Variants in IGF1R observed in about 807,000 individuals in gnomAD.
IGF1R encodes the protein insulin like growth factor 1 receptor, also known as insulin-like growth factor 1 receptor.
A neutral mutation model predicts 144.6 loss-of-function variants in IGF1R; 44 were observed. The ratio of observed to expected loss-of-function variants is 0.30; its 90% CI spans 0.24 to 0.39. The LOEUF is 0.39. Among genes scored for constraint, IGF1R ranks in the 10% least tolerant of loss-of-function variants. The pLI, the probability that IGF1R is intolerant of heterozygous loss-of-function variation, is 1.00. For missense variants in IGF1R, 1,355 were observed against 1,833.7 expected (o/e 0.74, Z 4.77); for synonymous variants, 795 against 722.8 (o/e 1.10, Z -1.60).
At chr15:98,698,814 A>G (rs2053658104) in intron 1 of IGF1R, among the ~76,000 whole-genome samples, 2 of 152,254 alleles carry the variant, frequency 1.3e-5, no homozygotes, top group Non-Finnish European at 1.5e-5. Context: ...CACATCCATG[A>G]AGAATCACAC....
chr15:98,941,619 T>C (rs1043192960), intron 18 of IGF1R, among the ~76,000 whole-genome samples: 2 of 152,216 alleles, frequency 1.3e-5, no homozygotes, highest in Non-Finnish European at 2.9e-5. Flanking sequence ...CACACTTCAT[T>C]TTTATTCTTC....
intron 5 of IGF1R, among the ~76,000 whole-genome samples, chr15:98,908,151 A>C (rs79136348): frequency 0.034 from 5,233 of 152,298 alleles, 283 homozygotes; most frequent in African/African-American, 0.12. Flanking sequence ...TCAGAATGAA[A>C]GATGAATGGG....
chr15:98,673,656 CT>C (rs1170551385), intron 1 of IGF1R, among the ~76,000 whole-genome samples: 28 of 152,348 alleles, frequency 1.8e-4, no homozygotes, highest in African/African-American at 6.7e-4. Context: ...ACAGACACTG[CT>C]GGCCTCACCT....
intron 10 of IGF1R, among the ~76,000 whole-genome samples, chr15:98,917,701 A>C (rs767819021): frequency 2.6e-5 from 4 of 152,256 alleles, no homozygotes; most frequent in African/African-American, 7.2e-5. Context: ...AACCTTGAAG[A>C]CACCATGCCA....
At position 98,963,359 on chromosome 15, in the gene IGF1R, T is replaced by C. The variant is rs1328159621; in HGVS notation, c.*5917T>C. 4.3e-6 allele frequency: 1 copy of C among 233,486 alleles called. No homozygotes were observed. The highest frequency in any genetic ancestry group is 2.2e-5 in the African/African-American group (1 of 45,338). The allele number at this position is 233,486 out of a possible 1,614,324, so 14.5% of individuals were successfully genotyped here. A position where few individuals can be genotyped will look rare whatever the true frequency, so the allele number is the denominator to read the frequency against. ...GTTTATAACAAAGGAATGATGATGA[T>C]TTAAAAAGTAGTTCTGTATCTTCAG... On this transcript the variant is annotated 3_prime_UTR_variant, in exon 21 of 21. Coordinates refer to ENST00000650285, the MANE Select transcript of IGF1R (RefSeq NM_000875.5).
At chr15:98,736,881 G>A (rs1054257878) in intron 2 of IGF1R, among the ~76,000 whole-genome samples, 6 of 151,994 alleles carry the variant, frequency 3.9e-5, no homozygotes, top group African/African-American at 1.4e-4. Flanking sequence ...CAAAGTGCTA[G>A]GATTACAGGC....
chr15:98,670,803 T>C (rs2052868800), intron 1 of IGF1R, among the ~76,000 whole-genome samples: 1 of 152,260 alleles, frequency 6.6e-6, no homozygotes, highest in African/African-American at 2.4e-5. Context: ...TATTTTCTTC[T>C]ATTTTTTTTC....
chr15:98,963,502 C>T lies in IGF1R; in HGVS notation c.*6060C>T, dbSNP rs1178644529. The stretch of plus-strand genomic sequence containing the variant: ...GAACCTCATTGGCCATGGAAACAGC[C>T]GAGGTGTTGGAGCCCAGCAGTGCAT... On this transcript the variant is annotated 3_prime_UTR_variant, in exon 21 of 21. Coordinates refer to ENST00000650285, the MANE Select transcript of IGF1R (RefSeq NM_000875.5). 5 of 233,132 alleles carry T rather than the reference C, an allele frequency of 2.1e-5. No individual in the cohort carries two copies. The highest frequency in any genetic ancestry group is 1.8e-4 in the South Asian group (1 of 5,534). 14.4% of individuals were successfully genotyped at this position (233,132 alleles called of 1,614,324 possible).
At chr15:98,898,786 GGTAGAC>G (rs1478258294) in intron 4 of IGF1R, among the ~76,000 whole-genome samples, 21 of 152,086 alleles carry the variant, frequency 1.4e-4, no homozygotes, top group African/African-American at 5.1e-4. Flanking sequence ...ATGAGAAAAA[GGTAGAC>G]TAAACAAGAT....
At chr15:98,800,289 T>C (rs1411613118) in intron 2 of IGF1R, among the ~76,000 whole-genome samples, 1 of 152,122 alleles carries the variant, frequency 6.6e-6, no homozygotes, top group East Asian at 1.9e-4. Context: ...GGTTTATTCA[T>C]AAATTAGAAA....
chr15:98,649,478 T>C lies in IGF1R; in HGVS notation c.-104T>C, dbSNP rs2052285954. On this transcript the variant is annotated 5_prime_UTR_variant, in exon 1 of 21. Coordinates refer to ENST00000650285, the MANE Select transcript of IGF1R (RefSeq NM_000875.5). ...TTGTTTTTGGAGGGGGAGCGAAGAC[T>C]GAGTTTGAGACTTGTTTCCTTTCAT... The C allele has an allele frequency of 1.2e-6, 1 of 810,718 alleles. No individual in the cohort carries two copies. Among genetic ancestry groups the C allele is most frequent in the Non-Finnish European group, 2.0e-6 (1 of 505,432 alleles). 50.2% of individuals were successfully genotyped at this position (810,718 alleles called of 1,614,324 possible). A position where few individuals can be genotyped will look rare whatever the true frequency, so the allele number is the denominator to read the frequency against.
Position 98,916,890 on chromosome 15 carries a change from G to A in IGF1R, c.2201+14G>A, listed in dbSNP as rs749825039. 2 of 1,613,344 alleles carry A rather than the reference G, an allele frequency of 1.2e-6. No individual in the cohort carries two copies. The highest frequency in any genetic ancestry group is 1.7e-6 in the Non-Finnish European group (2 of 1,179,358). On this transcript the variant is annotated intron_variant, in intron 10 of 20. Transcript: ENST00000650285. ...CTTCGTGCCCAGGTACCCAGCTCAT[G>A]TGAAATTTCAGTTGGCAAAACCCAC... is the stretch of plus-strand genomic sequence containing the variant.
intron 2 of IGF1R, among the ~76,000 whole-genome samples, chr15:98,810,014 A>G (rs2056552064): frequency 6.6e-6 from 1 of 152,188 alleles, no homozygotes; most frequent in African/African-American, 2.4e-5. Context: ...GCTGGGATGA[A>G]CTAAGTGAAG....
rs140134574 is a variant in IGF1R at position 98,880,206 on chromosome 15, C to T, written c.641-11119C>T. Among the ~76,000 whole-genome samples, 390 of 152,250 alleles carry T rather than the reference C, an allele frequency of 2.6e-3. 1 individual carries two copies. Among genetic ancestry groups the T allele is most frequent in the African/African-American group, 9.0e-3 (375 of 41,530 alleles). The stretch of plus-strand genomic sequence containing the variant: ...TATAACCTATACCATCCCAACAGCC[C>T]AGCTAGAGGACGATTCCTGAGCCTC... On this transcript the variant is annotated intron_variant, in intron 2 of 20. Coordinates refer to ENST00000650285, the MANE Select transcript of IGF1R (RefSeq NM_000875.5).
At chr15:98,920,699 G>C (rs892499779) in intron 10 of IGF1R, among the ~76,000 whole-genome samples, 7 of 152,176 alleles carry the variant, frequency 4.6e-5, no homozygotes, top group Non-Finnish European at 7.3e-5. Context: ...TATTGTGAAA[G>C]CAAATGTACA....
intron 2 of IGF1R, among the ~76,000 whole-genome samples, chr15:98,728,007 G>GTTTTTTTTTTTTTTT (rs10680958): frequency 1.8e-5 from 2 of 108,750 alleles, no homozygotes. Flanking sequence ...AAGATGCATT[G>GTTTTTTTTTTTTTTT]TTTTTTTTTT....
intron 2 of IGF1R, among the ~76,000 whole-genome samples, chr15:98,747,107 C>T (rs1345625540): frequency 5.3e-5 from 8 of 152,172 alleles, no homozygotes; most frequent in South Asian, 4.1e-4. Context: ...AAAATCAAGC[C>T]GGCAACTCCA....
chr15:98,714,204 G>A (rs1373670959), intron 2 of IGF1R, among the ~76,000 whole-genome samples: 2 of 151,818 alleles, frequency 1.3e-5, no homozygotes, highest in East Asian at 3.9e-4. Context: ...TTTTTCCACC[G>A]CCACGTTCTT....
intron 13 of IGF1R, among the ~76,000 whole-genome samples, chr15:98,928,059 C>T (rs1288186935): frequency 6.6e-6 from 1 of 152,228 alleles, no homozygotes; most frequent in Non-Finnish European, 1.5e-5. Flanking sequence ...CTTCACTCTT[C>T]TTTCTGTTCA....
Sources: gnomAD v4.1 joint callset for allele counts (sites outside exome capture counted in the v4.1 genomes callset) on GRCh38, gnomAD v4.1.1 for gene constraint, MANE v1.5 for transcripts, NCBI Gene and HGNC (gene_info 2026-07-23, HGNC 2026-07-21) for gene names.